Variants in FOXP2 observed in about 807,000 individuals in gnomAD.
The protein encoded by FOXP2 is forkhead box protein P2.
Under a neutral mutation model 115.8 loss-of-function variants are expected in FOXP2, and 12 were observed. The observed-to-expected ratio is 0.10, with a 90% CI of 0.07 to 0.17. FOXP2 has a LOEUF of 0.17. FOXP2 is among the 10% of genes least tolerant of loss of function. The probability of loss-of-function intolerance (pLI) is 1.00; values close to 1 mark genes in which losing one functional copy is unlikely to be tolerated. For missense variants in FOXP2, 629 were observed against 843.5 expected (o/e 0.75, Z 3.15); for synonymous variants, 328 against 297.7 (o/e 1.10, Z -1.05).
At chr7:114,146,153 A>G (rs977860749) in intron 1 of FOXP2, among the ~76,000 whole-genome samples, 1 of 152,188 alleles carries the variant, frequency 6.6e-6, no homozygotes, top group Non-Finnish European at 1.5e-5. Flanking sequence ...TCTAAACTAG[A>G]TACCATGTAA....
At chr7:114,602,313 C>G (rs1189655052) in intron 3 of FOXP2, among the ~76,000 whole-genome samples, 1 of 151,978 alleles carries the variant, frequency 6.6e-6, no homozygotes, top group African/African-American at 2.4e-5. Context: ...CTTTTGCTTA[C>G]TGCTTCCAAG....
intron 6 of FOXP2, among the ~76,000 whole-genome samples, chr7:114,639,946 C>T (rs1436847933): frequency 1.3e-5 from 2 of 152,096 alleles, no homozygotes; most frequent in Non-Finnish European, 2.9e-5. Context: ...ACCTAATTTA[C>T]ATTTATAGAG....
At position 114,220,612 on chromosome 7, in the gene FOXP2, A is replaced by G. The variant is rs868756731; in HGVS notation, c.-102+57524A>G. On this transcript the variant is annotated intron_variant, in intron 1 of 17. Coordinates refer to the FOXP2 transcript ENST00000634411. ...CTACTTCCCTTTGGTGACTGCCCTT[A>G]GTTAATCTAATGCATGTTATCTCTG... 1.8e-4 allele frequency among the ~76,000 whole-genome samples: 27 copies of G among 152,254 alleles called. 1 individual carries two copies. Among genetic ancestry groups the G allele is most frequent in the South Asian group, 6.2e-4 (3 of 4,824 alleles).
At chr7:114,173,322 A>G (rs1793197463) in intron 1 of FOXP2, among the ~76,000 whole-genome samples, 1 of 151,762 alleles carries the variant, frequency 6.6e-6, no homozygotes. Context: ...AGTACCAGAT[A>G]TGGGGTGTTT....
intron 2 of FOXP2, among the ~76,000 whole-genome samples, chr7:114,396,990 A>G (rs905207768): frequency 1.3e-5 from 2 of 152,258 alleles, no homozygotes; most frequent in Admixed American, 6.5e-5. Flanking sequence ...TCTTAAAAAC[A>G]TATCATTATA....
chr7:114,185,376 C>A (rs915238858), intron 1 of FOXP2, among the ~76,000 whole-genome samples: 1 of 151,984 alleles, frequency 6.6e-6, no homozygotes, highest in African/African-American at 2.4e-5. Context: ...TGGTAGTGGG[C>A]AAGTTGCTTA....
intron 2 of FOXP2, among the ~76,000 whole-genome samples, chr7:114,342,124 G>A (rs561141444): frequency 1.3e-5 from 2 of 151,452 alleles, no homozygotes; most frequent in South Asian, 2.1e-4. Context: ...TGTTATTGCT[G>A]TTACTTGAGT....
intron 2 of FOXP2, among the ~76,000 whole-genome samples, chr7:114,484,143 A>G (rs1796674141): frequency 6.6e-6 from 1 of 151,848 alleles, no homozygotes; most frequent in African/African-American, 2.4e-5. Flanking sequence ...TTTTAAAGTA[A>G]TTTTGATAAA....
chr7:114,661,977 TTAAG>T (rs1806890123), intron 13 of FOXP2, 84 bp from the exon 14 acceptor site: 10 of 1,519,224 alleles, frequency 6.6e-6, no homozygotes, highest in East Asian at 2.3e-5. Flanking sequence ...TTCACTCTGA[TTAAG>T]TAAGATCAAT....
chr7:114,252,072 T>A (rs1795460634), intron 1 of FOXP2, among the ~76,000 whole-genome samples: 2 of 152,354 alleles, frequency 1.3e-5, no homozygotes, highest in East Asian at 1.9e-4. Context: ...CCTTTGGTTC[T>A]GTTTATATAC....
chr7:114,372,582 C>T (rs1431799870), intron 2 of FOXP2, among the ~76,000 whole-genome samples: 2 of 152,098 alleles, frequency 1.3e-5, no homozygotes, highest in South Asian at 2.1e-4. Context: ...ATCAATTTCC[C>T]CAAAAGAATA....
chr7:114,271,732 T>A (rs1796055649), intron 1 of FOXP2, among the ~76,000 whole-genome samples: 1 of 117,936 alleles, frequency 8.5e-6, no homozygotes, highest in South Asian at 2.3e-4. Flanking sequence ...ATTAAATATA[T>A]ATTAAATACA....
chr7:114,577,851 G>A lies in FOXP2; in HGVS notation c.258+43145G>A, dbSNP rs146239202. ...CCAGTATAGAATGAGAGTAAGAAACGTCATCATAAGAGATTATAATAAAGG... is the reference window on the plus strand; with the variant it reads ...CCAGTATAGAATGAGAGTAAGAAACATCATCATAAGAGATTATAATAAAGG... On this transcript the variant is annotated intron_variant, in intron 3 of 16. Coordinates refer to ENST00000350908, the MANE Select transcript of FOXP2 (RefSeq NM_014491.4). Among the ~76,000 whole-genome samples the A allele has an allele frequency of 3.1e-3, 471 of 151,926 alleles. 3 individuals carry two copies. Among genetic ancestry groups the A allele is most frequent in the African/African-American group, 0.011 (445 of 41,490 alleles).
In FOXP2 at chr7:114,198,672, C is replaced by T. The variant is rs570122684; in HGVS notation, c.-102+35584C>T. ...ATGTGGCCCAGTTCCTAACAGGTCA[C>T]GAACCAGTACCGGTCTGTGGCCTGG... is the stretch of plus-strand genomic sequence containing the variant. On this transcript the variant is annotated intron_variant, in intron 1 of 17. Coordinates refer to the FOXP2 transcript ENST00000634411. Among the ~76,000 whole-genome samples the T allele has an allele frequency of 5.3e-5, 8 of 152,264 alleles. No individual in the cohort carries two copies. In the South Asian group the frequency reaches 1.0e-3, roughly 20 times the overall value.
rs146701455 is a variant in FOXP2 at position 114,318,736 on chromosome 7, C to T, written c.-11+30627C>T. On this transcript the variant is annotated intron_variant, in intron 2 of 17. Coordinates refer to the FOXP2 transcript ENST00000634411. Reference sequence around the variant, plus strand: ...ATATATATATATATATACACACACACGCACAGACATATGGAATGTTTTGCA... The same window carrying T: ...ATATATATATATATATACACACACATGCACAGACATATGGAATGTTTTGCA... Among the ~76,000 whole-genome samples, 138 of 151,094 alleles carry T rather than the reference C, an allele frequency of 9.1e-4. 1 individual carries two copies. The highest frequency in any genetic ancestry group is 9.1e-3 in the East Asian group (47 of 5,160).
rs11974548 is a variant in FOXP2, at chr7:114,604,441, A to T, written c.259-24099A>T. On this transcript the variant is annotated intron_variant, in intron 3 of 16. Coordinates refer to ENST00000350908, the MANE Select transcript of FOXP2 (RefSeq NM_014491.4). ...TTCTCAGAATAGTCTCTCATATGTT[A>T]TGTCAATCTATGGTTGTTTTGGATG... Among the ~76,000 whole-genome samples the T allele has an allele frequency of 5.9e-3, 903 of 152,324 alleles. 6 individuals carry two copies. Among genetic ancestry groups the T allele is most frequent in the African/African-American group, 0.018 (760 of 41,586 alleles).
chr7:114,366,299 T>C (rs751557230), intron 2 of FOXP2, among the ~76,000 whole-genome samples: 8 of 152,150 alleles, frequency 5.3e-5, no homozygotes, highest in Non-Finnish European at 1.0e-4. Context: ...TCATATCTAA[T>C]CTCATTAGAA....
intron 1 of FOXP2, among the ~76,000 whole-genome samples, chr7:114,147,008 C>T (rs1792388366): frequency 6.6e-6 from 1 of 152,092 alleles, no homozygotes; most frequent in Non-Finnish European, 1.5e-5. Flanking sequence ...AAATGTGGTT[C>T]TTTAAAAGTC....
intron 1 of FOXP2, among the ~76,000 whole-genome samples, chr7:114,127,856 T>C (rs2129144739): frequency 1.3e-5 from 2 of 152,324 alleles, no homozygotes; most frequent in East Asian, 1.9e-4. Context: ...ATATTCCTTA[T>C]TTAATGTATT....
Sources: gnomAD v4.1 joint callset for allele counts (sites outside exome capture counted in the v4.1 genomes callset) on GRCh38, gnomAD v4.1.1 for gene constraint, MANE v1.5 for transcripts, NCBI Gene and HGNC (gene_info 2026-07-23, HGNC 2026-07-21) for gene names.